SEMA3A: variants seen among roughly 807,000 people sequenced by gnomAD.
SEMA3A encodes semaphorin-3A.
In SEMA3A, 29 loss-of-function variants were observed where a neutral mutation model predicts 97.9. That is an observed-to-expected ratio of 0.30 (90% confidence interval 0.22 to 0.40). SEMA3A has a LOEUF of 0.40. Ranked by LOEUF, SEMA3A falls within the 10% of genes least tolerant of loss-of-function variation. The probability of loss-of-function intolerance (pLI) is 1.00; values close to 1 mark genes in which losing one functional copy is unlikely to be tolerated. For synonymous variants in SEMA3A, 321 were observed against 323.7 expected (o/e 0.99, Z 0.09); for missense variants, 763 against 951.3 (o/e 0.80, Z 2.60).
chr7:84,086,202 C>T (rs1794334833), intron 4 of SEMA3A, among the ~76,000 whole-genome samples: 1 of 151,808 alleles, frequency 6.6e-6, no homozygotes, highest in South Asian at 2.1e-4. Flanking sequence ...CCAGCACTCT[C>T]CCTGGTACAT....
In SEMA3A at chr7:84,030,669, A is replaced by T. The variant is rs369200805; in HGVS notation, c.667+15655T>A. The stretch of plus-strand genomic sequence containing the variant: ...TCTCATATACACATATATGTTTTTG[A>T]AAGAACAATTATAATAACAGATTCC... On this transcript the variant is annotated intron_variant, in intron 6 of 16. Coordinates refer to ENST00000265362, the MANE Select transcript of SEMA3A (RefSeq NM_006080.3). Among the ~76,000 whole-genome samples the T allele has an allele frequency of 3.3e-5, 5 of 152,182 alleles. No homozygotes were observed. In the South Asian group the frequency reaches 1.0e-3, roughly 31 times the overall value.
chr7:83,973,918 C>A (rs1254662509), intron 15 of SEMA3A, among the ~76,000 whole-genome samples: 1 of 119,370 alleles, frequency 8.4e-6, no homozygotes, highest in Non-Finnish European at 1.8e-5. Flanking sequence ...TTTTTTTTTT[C>A]CTTTCTGGAC....
intron 1 of SEMA3A, among the ~76,000 whole-genome samples, chr7:84,467,360 A>C (rs1806027109): frequency 6.6e-6 from 1 of 151,756 alleles, no homozygotes; most frequent in Admixed American, 6.6e-5. Flanking sequence ...ATCTCTACTA[A>C]AAATACAAAA....
In SEMA3A at chr7:84,001,251, G is replaced by A. The variant is rs1448437608; in HGVS notation, c.1452+704C>T. Among the ~76,000 whole-genome samples, 6 of 151,912 alleles carry A rather than the reference G, an allele frequency of 3.9e-5. 1 individual carries two copies. The South Asian group carries it at 1.2e-3, about 31-fold the overall frequency. On this transcript the variant is annotated intron_variant, in intron 12 of 16. Coordinates refer to ENST00000265362, the MANE Select transcript of SEMA3A (RefSeq NM_006080.3). ...TTCCCAAAAGGAACAACAGACACAT[G>A]GTATATGTTAGACTACTTTAGTTCT... is the stretch of plus-strand genomic sequence containing the variant.
At chr7:84,035,930 G>A (rs1791926306) in intron 6 of SEMA3A, among the ~76,000 whole-genome samples, 1 of 151,948 alleles carries the variant, frequency 6.6e-6, no homozygotes. Flanking sequence ...CAGTTTTTCT[G>A]GTTCCAACTG....
intron 3 of SEMA3A, among the ~76,000 whole-genome samples, chr7:84,235,786 G>A (rs1799222768): frequency 1.3e-5 from 2 of 151,876 alleles, no homozygotes; most frequent in Admixed American, 1.3e-4. Flanking sequence ...ACATGGTCGA[G>A]TATACTGTCT....
At position 84,211,128 on chromosome 7, in the gene SEMA3A, C is replaced by T. The variant is rs180757985; in HGVS notation, c.-82-16460G>A. Among the ~76,000 whole-genome samples, 9 of 152,202 alleles carry T rather than the reference C, an allele frequency of 5.9e-5. No homozygotes were observed. In the East Asian group the frequency reaches 9.6e-4, roughly 16 times the overall value. Reference sequence around the variant, plus strand: ...TAGCCACCAAAAAGAGACTCATTCTCGTTCTTTAGTTTTTATTCTTCAGTC... The same window carrying T: ...TAGCCACCAAAAAGAGACTCATTCTTGTTCTTTAGTTTTTATTCTTCAGTC... On this transcript the variant is annotated intron_variant, in intron 3 of 3. Transcript: ENST00000424555.
intron 3 of SEMA3A, among the ~76,000 whole-genome samples, chr7:84,224,467 G>A (rs1296490359): frequency 6.6e-6 from 1 of 151,854 alleles, no homozygotes; most frequent in African/African-American, 2.4e-5. Flanking sequence ...ACACCAAAGG[G>A]TAAGAGGTCA....
At chr7:84,295,701 C>T (rs1207322806) in intron 3 of SEMA3A, among the ~76,000 whole-genome samples, 1 of 151,796 alleles carries the variant, frequency 6.6e-6, no homozygotes, top group Non-Finnish European at 1.5e-5. Flanking sequence ...TAACTATGCC[C>T]TCTAATATTC....
chr7:84,237,577 C>T (rs1393719541), intron 3 of SEMA3A, among the ~76,000 whole-genome samples: 1 of 152,076 alleles, frequency 6.6e-6, no homozygotes, highest in Non-Finnish European at 1.5e-5. Flanking sequence ...ATCTCTTATA[C>T]TGTGACAAGA....
intron 2 of SEMA3A, among the ~76,000 whole-genome samples, chr7:84,321,832 T>A (rs55753202): frequency 0.17 from 20,816 of 125,808 alleles, 1,753 homozygotes; most frequent in African/African-American, 0.24. Context: ...GCCAAGATAG[T>A]GCCACTGCAC....
chr7:84,055,360 C>CGT (rs1562737653), intron 5 of SEMA3A, among the ~76,000 whole-genome samples: 3 of 152,190 alleles, frequency 2.0e-5, no homozygotes, highest in African/African-American at 7.2e-5. Context: ...AGCGAGACTC[C>CGT]GTGGGCGTAG....
chr7:84,490,502 G>T (rs1312071617), intron 1 of SEMA3A, among the ~76,000 whole-genome samples: 1 of 152,050 alleles, frequency 6.6e-6, no homozygotes, highest in African/African-American at 2.4e-5. Context: ...CTGAAACTTA[G>T]GCAAAGGCTA....
chr7:84,176,819 T>C (rs772474038), intron 1 of SEMA3A, among the ~76,000 whole-genome samples: 2 of 152,124 alleles, frequency 1.3e-5, no homozygotes, highest in African/African-American at 2.4e-5. Flanking sequence ...TTTTTCCTAA[T>C]AGAATGCACG....
chr7:84,015,517 TAAGTGTACCTCACTG>T (rs1277015830), intron 6 of SEMA3A, among the ~76,000 whole-genome samples: 1 of 152,224 alleles, frequency 6.6e-6, no homozygotes, highest in African/African-American at 2.4e-5. Context: ...GCAACGAAGC[TAAGTGTACCTCACTG>T]AAGGCACTTA....
chr7:84,136,987 A>G (rs1470785880), intron 1 of SEMA3A, among the ~76,000 whole-genome samples: 2 of 150,510 alleles, frequency 1.3e-5, no homozygotes, highest in African/African-American at 5.0e-5. Context: ...GAAGGAAGGA[A>G]GGAAGGAAGG....
At chr7:84,382,635 G>A (rs1452989431) in intron 1 of SEMA3A, among the ~76,000 whole-genome samples, 2 of 141,322 alleles carry the variant, frequency 1.4e-5, no homozygotes, top group Admixed American at 7.6e-5. Context: ...AAGGCGGGCA[G>A]ATCATGAGGT....
intron 16 of SEMA3A, among the ~76,000 whole-genome samples, chr7:83,962,436 A>T (rs757393436): frequency 1.3e-5 from 2 of 152,132 alleles, no homozygotes; most frequent in Non-Finnish European, 2.9e-5. Context: ...CATGAAATCA[A>T]TCTTGCATTT....
At chr7:84,057,533 G>C (rs1246751816) in intron 5 of SEMA3A, among the ~76,000 whole-genome samples, 1 of 152,236 alleles carries the variant, frequency 6.6e-6, no homozygotes, top group East Asian at 1.9e-4. Flanking sequence ...TTGGGAGGCT[G>C]AGGTGGGTGG....
Sources: allele counts gnomAD v4.1 joint callset (sites outside exome capture counted in the v4.1 genomes callset), GRCh38; gene constraint gnomAD v4.1.1; transcripts MANE v1.5; gene names NCBI Gene and HGNC (gene_info 2026-07-23, HGNC 2026-07-21).